The following ZNF541 variants were observed in gnomAD, a reference collection of about 807,000 sequenced individuals.
The protein encoded by ZNF541 is zinc finger protein 541.
A neutral mutation model predicts 123.5 loss-of-function variants in ZNF541; 23 were observed. That is an observed-to-expected ratio of 0.19 (90% confidence interval 0.13 to 0.26). ZNF541 has a LOEUF of 0.26. Ranked by LOEUF, ZNF541 falls within the 10% of genes least tolerant of loss-of-function variation. The probability of loss-of-function intolerance (pLI) is 1.00; values close to 1 mark genes in which losing one functional copy is unlikely to be tolerated. For missense variants in ZNF541, 1,612 were observed against 1,789.9 expected, an observed-to-expected ratio of 0.90 and a Z score of 1.79; for synonymous variants, 751 against 754.5, an observed-to-expected ratio of 1.00 and a Z score of 0.08.
Position 47,544,409 on chromosome 19 carries a change from T to C in ZNF541, c.2120A>G (p.Glu707Gly), listed in dbSNP as rs1250828041. The C allele has an allele frequency of 3.2e-6, 5 of 1,551,478 alleles. No homozygotes were observed. Among genetic ancestry groups the C allele is most frequent in the Non-Finnish European group, 4.4e-6 (5 of 1,146,976 alleles). Residue 707 changes from glutamate to glycine, a missense_variant, in exon 5 of 17, where the codon GAG (glutamate) becomes GGG (glycine). Glu to Gly is a moderately conservative substitution (Grantham distance 98). Transcript: ENST00000391901. ...CCCTGGCAGCGAGGCTCCTGGTGGCTCCTCCCCACCTAACTGGGTCTGCCG... is the reference window on the plus strand; with the variant it reads ...CCCTGGCAGCGAGGCTCCTGGTGGCCCCTCCCCACCTAACTGGGTCTGCCG... ...GQRQTQLGGE[E>G]PPGASLPGKQ... is the part of the protein sequence containing the mutation.
chr19:47,569,365 T>C (rs979734202), intron 2 of ZNF541, among the ~76,000 whole-genome samples: 13 of 152,122 alleles, frequency 8.5e-5, no homozygotes, highest in African/African-American at 2.4e-4. Context: ...TTGAGGCATA[T>C]ACTGTATTAT....
chr19:47,538,522 A>T (rs915921131), intron 8 of ZNF541, 83 bp from the exon 9 acceptor site: 3 of 1,371,964 alleles, frequency 2.2e-6, no homozygotes, highest in Non-Finnish European at 2.9e-6. Flanking sequence ...AGAGCAGGAA[A>T]AGGAGACCGG....
intron 2 of ZNF541, among the ~76,000 whole-genome samples, chr19:47,563,009 G>A (rs1971124912): frequency 6.6e-6 from 1 of 152,162 alleles, no homozygotes. Flanking sequence ...ACGGGAGTTT[G>A]GGACTAGATT....
At chr19:47,525,933 A>C (rs928412681) in intron 14 of ZNF541, among the ~76,000 whole-genome samples, 2 of 151,760 alleles carry the variant, frequency 1.3e-5, no homozygotes, top group Non-Finnish European at 2.9e-5. Context: ...AAAAAAAAAA[A>C]AAAAAAAACT....
chr19:47,528,938 C>G lies in ZNF541; in HGVS notation c.3570+12G>C. ...AGGCAGGGCCTTGGACACCAGCCCA[C>G]ATTCACTTTACCATCTTGTGTATCA... On this transcript the variant is annotated intron_variant, in intron 14 of 16. Transcript: ENST00000391901. 1 of 1,548,902 alleles carries G rather than the reference C, an allele frequency of 6.5e-7. No homozygotes were observed. The highest frequency in any genetic ancestry group is 1.2e-5 in the South Asian group (1 of 83,998).
Position 47,521,628 on chromosome 19 carries a change from G to T in ZNF541, c.3738C>A (p.Pro1246=), listed in dbSNP as rs1969033851. 6.4e-7 allele frequency: 1 copy of T among 1,551,628 alleles called. No homozygotes were observed. ...EKVPCSPRER[P]SHHPTPKLKT... Reference sequence around the variant, plus strand: ...TTAACTTGGGAGTTGGATGGTGGCTGGGTCTCTCCCGAGGGCTGCATGGGA... The same window carrying T: ...TTAACTTGGGAGTTGGATGGTGGCTTGGTCTCTCCCGAGGGCTGCATGGGA... Residue 1246 remains proline (P), a synonymous_variant, in exon 16 of 17, where the codon CCC becomes CCA. Transcript: ENST00000391901. This position sits in a 1 kb window ranked among gnomAD's most constrained non-coding sequence, Gnocchi z 4.2.
intron 14 of ZNF541, among the ~76,000 whole-genome samples, chr19:47,524,419 T>C (rs1229304854): frequency 2.6e-5 from 4 of 152,118 alleles, no homozygotes; most frequent in Non-Finnish European, 5.9e-5. Context: ...CAAAGAGTTA[T>C]GCCAGAGGCC....
chr19:47,525,917 CAAA>C (rs34123668), intron 14 of ZNF541, among the ~76,000 whole-genome samples: 3 of 57,598 alleles, frequency 5.2e-5, no homozygotes, highest in African/African-American at 1.0e-4. Flanking sequence ...CTCCGTCTCA[CAAA>C]AAAAAAAAAA....
At chr19:47,571,775 G>GT (rs746494161) in intron 2 of ZNF541, among the ~76,000 whole-genome samples, 121 bp downstream of exon 2, 3 of 152,202 alleles carry the variant, frequency 2.0e-5, no homozygotes, top group Non-Finnish European at 2.9e-5. Flanking sequence ...CTCCAAAGCA[G>GT]TAACTTGTAT....
At chr19:47,572,389 T>A (rs1348896718) in intron 1 of ZNF541, among the ~76,000 whole-genome samples, 2 of 152,024 alleles carry the variant, frequency 1.3e-5, no homozygotes, top group Non-Finnish European at 2.9e-5. Context: ...AAGGAATTAG[T>A]TGGTTTGTTC....
intron 2 of ZNF541, among the ~76,000 whole-genome samples, chr19:47,563,804 C>A (rs1375209403): frequency 6.6e-6 from 1 of 152,076 alleles, no homozygotes; most frequent in Non-Finnish European, 1.5e-5. Context: ...TAGGGTTTCA[C>A]CACGCTGGTC....
Position 47,545,375 on chromosome 19 carries a change from G to A in ZNF541, c.1154C>T (p.Pro385Leu), listed in dbSNP as rs943090546. 3.3e-6 allele frequency: 5 copies of A among 1,532,736 alleles called. No individual in the cohort carries two copies. Among genetic ancestry groups the A allele is most frequent in the Non-Finnish European group, 4.4e-6 (5 of 1,137,454 alleles). The allele number at this position is 1,532,736 out of a possible 1,614,324, so 94.9% of individuals were successfully genotyped here. A position where few individuals can be genotyped will look rare whatever the true frequency, so the allele number is the denominator to read the frequency against. The change falls in exon 5 of 17, where the codon CCC (proline) becomes CTC (leucine). Residue 385 changes from proline to leucine, a missense_variant. By Grantham distance (98) the Pro-to-Leu change is moderately conservative. Coordinates refer to ENST00000391901, the MANE Select transcript of ZNF541 (RefSeq NM_001277075.3). This position sits in a 1 kb window ranked among gnomAD's most constrained non-coding sequence, Gnocchi z 7.5. Reference protein sequence around the residue: ...LQARSTAECWPEGGSVPACLP... With the variant: ...LQARSTAECWLEGGSVPACLP... Reference sequence around the variant, plus strand: ...GCAGGCAGGCACGGAGCCGCCTTCGGGCCAGCACTCCGCGGTGGACCGGGC... The same window carrying A: ...GCAGGCAGGCACGGAGCCGCCTTCGAGCCAGCACTCCGCGGTGGACCGGGC...
chr19:47,540,082 C>A, intron 7 of ZNF541, 94 bp downstream of exon 7: 1 of 1,465,036 alleles, frequency 6.8e-7, no homozygotes, highest in Non-Finnish European at 9.0e-7. Flanking sequence ...AGAGTGACGT[C>A]CCCATCCTGA....
chr19:47,569,823 G>A (rs779246373), intron 2 of ZNF541, among the ~76,000 whole-genome samples: 3 of 151,916 alleles, frequency 2.0e-5, no homozygotes, highest in Non-Finnish European at 4.4e-5. Flanking sequence ...AGGCTCCAGT[G>A]AGCCAGGATC....
chr19:47,522,027 G>A, intron 14 of ZNF541, 33 bp from the exon 15 acceptor site: 1 of 1,548,044 alleles, frequency 6.5e-7, no homozygotes, highest in South Asian at 1.2e-5. Context: ...CTGTGGCTGT[G>A]CCACGCGGGC....
Position 47,532,380 on chromosome 19 carries a change from G to A in ZNF541, c.3159-110C>T, listed in dbSNP as rs1485594076. The A allele has an allele frequency of 2.4e-6, 3 of 1,269,944 alleles. 1 individual carries two copies. The highest frequency in any genetic ancestry group is 2.8e-5 in the South Asian group (2 of 70,450). 78.7% of individuals were successfully genotyped at this position (1,269,944 alleles called of 1,614,324 possible). A position where few individuals can be genotyped will look rare whatever the true frequency, so the allele number is the denominator to read the frequency against. On this transcript the variant is annotated intron_variant, in intron 10 of 16. Transcript: ENST00000391901. ...CTCTTGGGCCACAGCCTGCTCCATGGAAACCCTCTGCTGTCTCAGGTGCAT... is the reference window on the plus strand; with the variant it reads ...CTCTTGGGCCACAGCCTGCTCCATGAAAACCCTCTGCTGTCTCAGGTGCAT...
At chr19:47,568,620 A>G (rs1350057315) in intron 2 of ZNF541, among the ~76,000 whole-genome samples, 1 of 151,988 alleles carries the variant, frequency 6.6e-6, no homozygotes, top group Non-Finnish European at 1.5e-5. Context: ...CTGGTATTAC[A>G]GGTGCAAGCC....
chr19:47,552,742 C>CAAAAAAAAAAAA (rs573248609), intron 3 of ZNF541, among the ~76,000 whole-genome samples: 3 of 26,128 alleles, frequency 1.1e-4, no homozygotes, highest in African/African-American at 2.1e-4. Flanking sequence ...GACTCCATCT[C>CAAAAAAAAAAAA]AAAAAAAAAA....
At chr19:47,534,309 A>C (rs992483150) in intron 9 of ZNF541, among the ~76,000 whole-genome samples, 1 of 152,222 alleles carries the variant, frequency 6.6e-6, no homozygotes, top group African/African-American at 2.4e-5. Flanking sequence ...CAGCAGCTAC[A>C]TGTAACAGGA....
Sources: allele counts gnomAD v4.1 joint callset (sites outside exome capture counted in the v4.1 genomes callset), GRCh38; gene constraint gnomAD v4.1.1; non-coding constraint Gnocchi (gnomAD v3.1); transcripts MANE v1.5; gene names NCBI Gene and HGNC (gene_info 2026-07-23, HGNC 2026-07-21).